Variants in SRRM3 observed in about 807,000 individuals in gnomAD.
The protein encoded by SRRM3 is serine/arginine repetitive matrix protein 3.
Under a neutral mutation model 66.2 loss-of-function variants are expected in SRRM3, and 27 were observed. The ratio of observed to expected loss-of-function variants is 0.41; its 90% CI spans 0.30 to 0.56. The LOEUF (loss-of-function observed/expected upper bound fraction) is 0.56. Among genes scored for constraint, SRRM3 ranks in the 20% least tolerant of loss-of-function variants. The probability of loss-of-function intolerance (pLI) is 0.32; values close to 1 mark genes in which losing one functional copy is unlikely to be tolerated. For missense variants in SRRM3, 918 were observed against 991.9 expected (o/e 0.93, Z 1.00); for synonymous variants, 391 against 414.9 (o/e 0.94, Z 0.70).
rs1802645946 is a variant in SRRM3 at position 76,285,673 on chromosome 7, T to C, written c.1792T>C (p.Leu598=). ...CAGCCCCTCTTCCTCCTCCAGCTGCTTGAGCAGCGACTACTCGACCCGGAG... is the reference window on the plus strand; with the variant it reads ...CAGCCCCTCTTCCTCCTCCAGCTGCCTGAGCAGCGACTACTCGACCCGGAG... ...RPSPSSSSSC[L]SSDYSTRSHS... The change falls in exon 15 of 15, where the codon TTG becomes CTG. Residue 598 remains leucine (L), a synonymous_variant. Coordinates refer to ENST00000611745, the MANE Select transcript of SRRM3 (RefSeq NM_001110199.3). This position sits in a 1 kb window ranked among gnomAD's most constrained non-coding sequence, Gnocchi z 4.1. The C allele has an allele frequency of 2.6e-6, 4 of 1,551,090 alleles. No individual in the cohort carries two copies. Among genetic ancestry groups the C allele is most frequent in the East Asian group, 2.4e-5 (1 of 40,922 alleles).
intron 14 of SRRM3, chr7:76,283,399 C>T: frequency 1.8e-6 from 1 of 542,302 alleles, no homozygotes; most frequent in Non-Finnish European, 3.4e-6. Flanking sequence ...GTACTTGGGT[C>T]TGGGTGGGCC....
chr7:76,275,970 C>T (rs563506758), intron 11 of SRRM3, among the ~76,000 whole-genome samples: 8 of 152,020 alleles, frequency 5.3e-5, no homozygotes, highest in South Asian at 2.1e-4. Context: ...GACCCAGCTA[C>T]TGAGGAGGCT....
intron 1 of SRRM3, among the ~76,000 whole-genome samples, chr7:76,218,106 A>C (rs1056926535): frequency 1.3e-5 from 2 of 152,188 alleles, no homozygotes; most frequent in Admixed American, 6.5e-5. Context: ...CCTAGCTCCC[A>C]GGTGTGAGCC....
chr7:76,234,425 C>A (rs111227150), intron 1 of SRRM3, among the ~76,000 whole-genome samples: 1 of 152,094 alleles, frequency 6.6e-6, no homozygotes, highest in Non-Finnish European at 1.5e-5. Context: ...GGGTGAGCCC[C>A]GCTTATCTGG....
intron 1 of SRRM3, among the ~76,000 whole-genome samples, chr7:76,229,332 T>A (rs1346737597): frequency 1.3e-5 from 2 of 152,172 alleles, no homozygotes; most frequent in Non-Finnish European, 2.9e-5. Flanking sequence ...AATATAAAAT[T>A]CAAATTTAAT....
intron 3 of SRRM3, among the ~76,000 whole-genome samples, chr7:76,255,520 C>T (rs1243763030): frequency 6.6e-6 from 1 of 152,160 alleles, no homozygotes; most frequent in Non-Finnish European, 1.5e-5. Flanking sequence ...TAGCTCACTG[C>T]AGCCTCAAAC....
At chr7:76,266,232 A>T (rs1279505353) in intron 10 of SRRM3, among the ~76,000 whole-genome samples, 18 of 74,962 alleles carry the variant, frequency 2.4e-4, no homozygotes, top group Non-Finnish European at 2.6e-4. Flanking sequence ...TTATATATTT[A>T]ATATATATAA....
In SRRM3 at chr7:76,255,610, T is replaced by C. The variant is rs73373404; in HGVS notation, c.336-4296T>C. Among the ~76,000 whole-genome samples, 696 of 152,230 alleles carry C rather than the reference T, an allele frequency of 4.6e-3. 6 individuals are homozygous for C. The highest frequency in any genetic ancestry group is 0.016 in the African/African-American group (658 of 41,534). ...AGGTGCATGCCACTGTGCCCTGCTTTTTATTTTTATTTTTGTAAAGACAGG... is the reference window on the plus strand; with the variant it reads ...AGGTGCATGCCACTGTGCCCTGCTTCTTATTTTTATTTTTGTAAAGACAGG... On this transcript the variant is annotated intron_variant, in intron 3 of 14. Transcript: ENST00000611745.
intron 1 of SRRM3, among the ~76,000 whole-genome samples, chr7:76,229,114 G>T (rs1204633562): frequency 6.6e-6 from 1 of 151,898 alleles, no homozygotes. Flanking sequence ...TAGCCAGGAT[G>T]GTCTCGATCT....
intron 11 of SRRM3, among the ~76,000 whole-genome samples, chr7:76,275,782 T>A (rs1554611043): frequency 6.6e-6 from 1 of 152,010 alleles, no homozygotes; most frequent in East Asian, 1.9e-4. Flanking sequence ...CTCAGAAATT[T>A]CTTACCCAAA....
At chr7:76,209,054 G>C (rs969236011) in intron 1 of SRRM3, among the ~76,000 whole-genome samples, 1 of 152,114 alleles carries the variant, frequency 6.6e-6, no homozygotes, top group Admixed American at 6.6e-5. Flanking sequence ...AGCTATGATT[G>C]CACCACTATA....
chr7:76,258,692 C>T (rs1471286614), intron 3 of SRRM3, among the ~76,000 whole-genome samples: 6 of 118,794 alleles, frequency 5.1e-5, no homozygotes, highest in Admixed American at 1.2e-4. Context: ...CCAGCCTAGT[C>T]GACAGAGTGA....
chr7:76,264,755 C>G lies in SRRM3; in HGVS notation c.675-10C>G, dbSNP rs1554609234. The stretch of plus-strand genomic sequence containing the variant: ...GGCCACACCATCACTGTGGTCTCTG[C>G]TCTCTGCAGATCTCGAAGCTCCAAG... On this transcript the variant is annotated splice_polypyrimidine_tract_variant and intron_variant, in intron 8 of 14. Coordinates refer to ENST00000611745, the MANE Select transcript of SRRM3 (RefSeq NM_001110199.3). 1 of 1,613,814 alleles carries G rather than the reference C, an allele frequency of 6.2e-7. No homozygotes were observed. The highest frequency in any genetic ancestry group is 2.2e-5 in the East Asian group (1 of 44,876).
intron 1 of SRRM3, among the ~76,000 whole-genome samples, chr7:76,221,004 C>T (rs1411025642): frequency 6.6e-6 from 1 of 151,984 alleles, no homozygotes; most frequent in Non-Finnish European, 1.5e-5. Flanking sequence ...GCTCTGCCCG[C>T]TCCCTGAGCC....
At position 76,265,828 on chromosome 7, in the gene SRRM3, T is replaced by TTATATATA. The variant is rs1167434051; in HGVS notation, c.830+384_830+391dup. 4.7e-4 allele frequency among the ~76,000 whole-genome samples: 12 copies of TTATATATA among 25,580 alleles called. 2 individuals are homozygous for TTATATATA. Among genetic ancestry groups the TTATATATA allele is most frequent in the African/African-American group, 2.9e-3 (5 of 1,718 alleles). 16.8% of individuals were successfully genotyped at this position (25,580 alleles called of 152,430 possible). On this transcript the variant is annotated intron_variant, in intron 10 of 14. Transcript: ENST00000611745. ...TATATTTTATATATTTAATAAATAT[T>TTATATATA]TATATATATATATATATATATATAT...
intron 1 of SRRM3, among the ~76,000 whole-genome samples, chr7:76,214,500 T>C (rs933418511): frequency 6.6e-6 from 1 of 152,108 alleles, no homozygotes; most frequent in Admixed American, 6.6e-5. Flanking sequence ...CTCCTCAGAG[T>C]TGAAGTGTGT....
intron 1 of SRRM3, among the ~76,000 whole-genome samples, chr7:76,221,755 A>G (rs1554603240): frequency 6.6e-6 from 1 of 152,168 alleles, no homozygotes; most frequent in Non-Finnish European, 1.5e-5. Flanking sequence ...GAGTGTTTGT[A>G]ATGATTTAAA....
intron 1 of SRRM3, among the ~76,000 whole-genome samples, chr7:76,220,050 G>A (rs1358790784): frequency 2.6e-5 from 4 of 152,226 alleles, no homozygotes; most frequent in Admixed American, 6.5e-5. Flanking sequence ...TCCCTCTGTA[G>A]TTCCCAGAGA....
intron 11 of SRRM3, chr7:76,267,671 G>C (rs1554609992): frequency 1.3e-5 from 5 of 394,386 alleles, no homozygotes; most frequent in Middle Eastern, 1.3e-3. Context: ...TGCGGTCTTG[G>C]GCCACCCTTG....
Sources: gnomAD v4.1 joint callset for allele counts (sites outside exome capture counted in the v4.1 genomes callset) on GRCh38, gnomAD v4.1.1 for gene constraint, Gnocchi (gnomAD v3.1) non-coding constraint, MANE v1.5 for transcripts, NCBI Gene and HGNC (gene_info 2026-07-23, HGNC 2026-07-21) for gene names.